Variants in KCNQ2 observed in about 807,000 individuals in gnomAD.
KCNQ2 encodes the protein potassium voltage-gated channel subfamily KQT member 2.
KCNQ2 carries 14 observed loss-of-function variants against 84.8 expected under a neutral mutation model. The observed-to-expected ratio is 0.17, with a 90% CI of 0.11 to 0.26. KCNQ2 has a LOEUF of 0.26. Ranked by LOEUF, KCNQ2 falls within the 10% of genes least tolerant of loss-of-function variation. The pLI, the probability that KCNQ2 is intolerant of heterozygous loss-of-function variation, is 1.00. For synonymous variants in KCNQ2, 599 were observed against 554.1 expected (o/e 1.08, Z -1.14); for missense variants, 788 against 1,254.0 (o/e 0.63, Z 5.61).
chr20:63,447,855 C>A (rs960652025), intron 1 of KCNQ2, among the ~76,000 whole-genome samples: 1 of 152,192 alleles, frequency 6.6e-6, no homozygotes, highest in African/African-American at 2.4e-5. Flanking sequence ...CCTCGGCCCC[C>A]CAAAGGGCTG....
chr20:63,415,054 CG>C lies in KCNQ2; in HGVS notation c.1373del (p.Pro458ArgfsTer6). ...RGVAAKGKGSPQAQTVRRSPS... is the reference protein window; with the variant it reads ...RGVAAKGKGSXQAQTVRRSPS... ...GTGACCGCCTCACAGTCTGGGCCTG[CG>C]GGGACCCCTTCCCCTTGGCAGCCAC... On this transcript the variant is annotated frameshift_variant, in exon 13 of 17. Transcript: ENST00000359125. LOFTEE classifies it high-confidence loss of function. 6.2e-7 allele frequency: 1 copy of C among 1,607,992 alleles called. No homozygotes were observed.
chr20:63,451,103 A>C (rs2145815439), intron 1 of KCNQ2, among the ~76,000 whole-genome samples: 1 of 150,126 alleles, frequency 6.7e-6, no homozygotes, highest in African/African-American at 2.5e-5. Flanking sequence ...ATGCCACTGC[A>C]CTCCAGCCTA....
intron 7 of KCNQ2, among the ~76,000 whole-genome samples, chr20:63,435,393 C>CAA (rs1182183227): frequency 8.4e-5 from 12 of 142,920 alleles, no homozygotes; most frequent in South Asian, 2.2e-4. Flanking sequence ...ATCTCAACAA[C>CAA]AACAAAAAAA....
Position 63,425,026 on chromosome 20 carries a change from C to G in KCNQ2, c.1218-820G>C, listed in dbSNP as rs1914243068. Among the ~76,000 whole-genome samples, 1 of 152,176 alleles carries G rather than the reference C, an allele frequency of 6.6e-6. No homozygotes were observed. Among genetic ancestry groups the G allele is most frequent in the African/African-American group, 2.4e-5 (1 of 41,438 alleles). ...GGGTCCCTCATCACCTCCTGCAGCT[C>G]CCGGTGGCCCAGGTGTCCTTGGCTT... On this transcript the variant is annotated intron_variant, in intron 10 of 16. Coordinates refer to ENST00000359125, the MANE Select transcript of KCNQ2 (RefSeq NM_172107.4). This position sits in a 1 kb window ranked among gnomAD's most constrained non-coding sequence, Gnocchi z 5.5.
chr20:63,448,941 T>C (rs1471678831), intron 1 of KCNQ2: 1 of 152,298 alleles, frequency 6.6e-6, no homozygotes, highest in African/African-American at 2.4e-5. Context: ...GCAATTTCCT[T>C]TCCAGTCTGG....
At chr20:63,466,577 C>T (rs745365859) in intron 1 of KCNQ2, 9 of 152,242 alleles carry the variant, frequency 5.9e-5, no homozygotes, top group Admixed American at 5.9e-4. Flanking sequence ...ATGACAGCTA[C>T]GAGCTTGGGG....
In KCNQ2 at chr20:63,445,251, C is replaced by T. The variant is rs1435866317; in HGVS notation, c.501G>A (p.Pro167=). The T allele has an allele frequency of 3.1e-6, 5 of 1,613,800 alleles. No homozygotes were observed. The highest frequency in any genetic ancestry group is 1.3e-5 in the African/African-American group (1 of 74,938). ...WRGRLKFARK[P]FCVIDIMVLI... ...ACCAGGCCTCACCAATCACACAGAA[C>T]GGTTTCCGGGCAAACTTGAGCCGCC... The change falls in exon 3 of 17, where the codon CCG becomes CCA. Residue 167 remains proline (P), a synonymous_variant. Transcript: ENST00000359125.
At position 63,408,508 on chromosome 20, in the gene KCNQ2, C is replaced by T. The variant is rs1241545288; in HGVS notation, c.1792G>A (p.Ala598Thr). Residue 598 changes from alanine to threonine, a missense_variant, in exon 16 of 17, where the codon GCG becomes ACG. Transcript: ENST00000359125. The surrounding 1 kb of genome is among the most constrained non-coding windows in gnomAD (Gnocchi z 5.0). Reference sequence around the variant, plus strand: ...TTGGTGCGGTCCTTGTCCGTGATCGCTGGGCCCCGCCCCACGATCTGGTCC... The same window carrying T: ...TTGGTGCGGTCCTTGTCCGTGATCGTTGGGCCCCGCCCCACGATCTGGTCC... ...RVDQIVGRGP[A>T]ITDKDRTKGP... 1.9e-6 allele frequency: 3 copies of T among 1,610,074 alleles called. No homozygotes were observed. The highest frequency in any genetic ancestry group is 1.1e-5 in the South Asian group (1 of 90,548).
chr20:63,420,924 G>A (rs2080452387), intron 11 of KCNQ2, among the ~76,000 whole-genome samples: 1 of 152,180 alleles, frequency 6.6e-6, no homozygotes, highest in Non-Finnish European at 1.5e-5. Flanking sequence ...GAGGGAGCCG[G>A]CTCCCTGCGC....
At chr20:63,457,697 A>G (rs1329984114) in intron 1 of KCNQ2, among the ~76,000 whole-genome samples, 1 of 152,218 alleles carries the variant, frequency 6.6e-6, no homozygotes, top group African/African-American at 2.4e-5. Context: ...CCACTCCCGC[A>G]GCAGACGCCC....
intron 1 of KCNQ2, among the ~76,000 whole-genome samples, chr20:63,464,101 T>C (rs1398909668): frequency 6.6e-6 from 1 of 152,146 alleles, no homozygotes; most frequent in African/African-American, 2.4e-5. Flanking sequence ...CAGCAGAGCC[T>C]AATGTCAGTT....
intron 4 of KCNQ2, among the ~76,000 whole-genome samples, chr20:63,443,096 C>CCCT (rs2081274950): frequency 4.2e-5 from 1 of 23,668 alleles, no homozygotes. Context: ...ATTATCACCA[C>CCCT]CATCACCATC....
intron 1 of KCNQ2, chr20:63,463,568 C>T (rs1200248810): frequency 6.6e-6 from 1 of 152,306 alleles, no homozygotes; most frequent in Admixed American, 6.5e-5. Flanking sequence ...CCTCCGGCCT[C>T]CCGCCCACAG....
At chr20:63,444,035 G>A (rs530672176) in intron 4 of KCNQ2, among the ~76,000 whole-genome samples, 4 of 152,320 alleles carry the variant, frequency 2.6e-5, no homozygotes, top group East Asian at 1.9e-4. Flanking sequence ...AGGGGCCACC[G>A]GGGGCTGACC....
chr20:63,409,853 G>A (rs1012239696), intron 15 of KCNQ2: 1 of 84,470 alleles, frequency 1.2e-5, no homozygotes, highest in Non-Finnish European at 2.5e-5. Flanking sequence ...GGGACTTCCT[G>A]CCACTGGGCT....
In KCNQ2 at chr20:63,472,579, G is replaced by C; in HGVS notation, c.-116C>G. On this transcript the variant is annotated 5_prime_UTR_variant, in exon 1 of 17. Transcript: ENST00000359125. ...CCGGGAGCCGCATGGCCGAGGCGGC[G>C]GTTCCGCACTCCTGCCGGGCTTGGG... 1 of 901,838 alleles carries C rather than the reference G, an allele frequency of 1.1e-6. No homozygotes were observed. The highest frequency in any genetic ancestry group is 1.4e-6 in the Non-Finnish European group (1 of 707,356). The allele number at this position is 901,838 out of a possible 1,614,324, so 55.9% of individuals were successfully genotyped here.
rs181258176 is a variant in KCNQ2 at position 63,412,028 on chromosome 20, G to A, written c.1763+1422C>T. 680 of 594,442 alleles carry A rather than the reference G, an allele frequency of 1.1e-3. 4 individuals carry two copies. Among genetic ancestry groups the A allele is most frequent in the African/African-American group, 7.1e-3 (370 of 51,916 alleles). 36.8% of individuals were successfully genotyped at this position (594,442 alleles called of 1,614,324 possible). On this transcript the variant is annotated intron_variant, in intron 15 of 16. Coordinates refer to ENST00000359125, the MANE Select transcript of KCNQ2 (RefSeq NM_172107.4). ...CTCTCCCACAGAGGGTGTGGACGCC[G>A]CCTCGCTGGACCTTGGATTTGCCAA...
chr20:63,431,277 C>T, intron 9 of KCNQ2, 63 bp downstream of exon 9: 1 of 1,588,248 alleles, frequency 6.3e-7, no homozygotes, highest in Non-Finnish European at 8.6e-7. Flanking sequence ...TGCCCGGTCA[C>T]AGTTCCAGAC....
chr20:63,407,041 C>T lies in KCNQ2; in HGVS notation c.2222G>A (p.Arg741His). The T allele has an allele frequency of 6.6e-7, 1 of 1,517,804 alleles. No homozygotes were observed. The highest frequency in any genetic ancestry group is 8.8e-7 in the Non-Finnish European group (1 of 1,135,720). 94.0% of individuals were successfully genotyped at this position (1,517,804 alleles called of 1,614,324 possible). A position where few individuals can be genotyped will look rare whatever the true frequency, so the allele number is the denominator to read the frequency against. The change falls in exon 17 of 17, where the codon CGC becomes CAC. Residue 741 changes from arginine (R) to histidine (H), a missense_variant. By Grantham distance (29) the Arg-to-His change is conservative (BLOSUM62 0). This residue lies in a region of KCNQ2 where 378 missense variants were observed against 434.5 expected (regional missense o/e 0.87). Coordinates refer to ENST00000359125, the MANE Select transcript of KCNQ2 (RefSeq NM_172107.4). This position sits in a 1 kb window ranked among gnomAD's most constrained non-coding sequence, Gnocchi z 7.2. ...SPVGDHGSLV[R>H]IPPPPAHERS... ...CTCGTGGGCAGGCGGCGGCGGGATG[C>T]GCACCAGGGAGCCGTGGTCCCCCAC...
Sources: allele counts gnomAD v4.1 joint callset (sites outside exome capture counted in the v4.1 genomes callset), GRCh38; gene constraint gnomAD v4.1.1; regional missense constraint gnomAD v4.1.1; non-coding constraint Gnocchi (gnomAD v3.1); transcripts MANE v1.5; gene names NCBI Gene and HGNC (gene_info 2026-07-23, HGNC 2026-07-21).